The following ARMH3 variants were observed in gnomAD, a reference collection of about 807,000 sequenced individuals.
The protein encoded by ARMH3 is armadillo-like helical domain-containing protein 3.
Under a neutral mutation model 99.1 loss-of-function variants are expected in ARMH3, and 60 were observed. That is an observed-to-expected ratio of 0.61 (90% CI 0.49 to 0.75). ARMH3 has a LOEUF of 0.75. Ranked by LOEUF, ARMH3 falls within the 30% of genes least tolerant of loss-of-function variation. The probability of loss-of-function intolerance (pLI) is 0.00; values close to 1 mark genes in which losing one functional copy is unlikely to be tolerated. For missense variants in ARMH3, 679 were observed against 843.1 expected, an observed-to-expected ratio of 0.81 and a Z score of 2.41; for synonymous variants, 285 against 292.8, an observed-to-expected ratio of 0.97 and a Z score of 0.27.
At chr10:101,918,675 C>T (rs1032745993) in intron 23 of ARMH3, among the ~76,000 whole-genome samples, 1 of 152,162 alleles carries the variant, frequency 6.6e-6, no homozygotes, top group Non-Finnish European at 1.5e-5. Context: ...GAATAAAATA[C>T]TATGCATTTT....
intron 20 of ARMH3, among the ~76,000 whole-genome samples, chr10:101,962,781 G>A (rs371195372): frequency 6.6e-6 from 1 of 152,114 alleles, no homozygotes; most frequent in Non-Finnish European, 1.5e-5. Flanking sequence ...TGAGGTCTAT[G>A]AAACTGTATT....
intron 25 of ARMH3, among the ~76,000 whole-genome samples, chr10:101,849,458 A>G (rs2066536363): frequency 1.3e-5 from 2 of 152,186 alleles, no homozygotes; most frequent in Admixed American, 6.5e-5. Context: ...GGGAAGAATT[A>G]ATTACTTTTA....
chr10:102,014,006 C>T lies in ARMH3; in HGVS notation c.688G>A (p.Val230Met). 6.2e-7 allele frequency: 1 copy of T among 1,611,292 alleles called. No individual in the cohort carries two copies. The highest frequency in any genetic ancestry group is 8.5e-7 in the Non-Finnish European group (1 of 1,178,452). ...RKYESVNPYIVKLSIVDDEAT... is the reference protein window; with the variant it reads ...RKYESVNPYIMKLSIVDDEAT... Reference sequence around the variant, plus strand: ...TCATCATCCACGATAGACAGCTTCACAATATAAGGATTCACAGACTGTTAA... The same window carrying T: ...TCATCATCCACGATAGACAGCTTCATAATATAAGGATTCACAGACTGTTAA... Residue 230 changes from valine (V) to methionine (M), a missense_variant, in exon 9 of 26, where the codon GTG becomes ATG. By Grantham distance (21) the Val-to-Met change is conservative. Coordinates refer to ENST00000370033, the MANE Select transcript of ARMH3 (RefSeq NM_024541.3).
At chr10:101,935,679 T>G (rs1843935497) in intron 23 of ARMH3, among the ~76,000 whole-genome samples, 1 of 152,208 alleles carries the variant, frequency 6.6e-6, no homozygotes, top group African/African-American at 2.4e-5. Flanking sequence ...AGACTTCACA[T>G]GCAACCCAAG....
intron 23 of ARMH3, among the ~76,000 whole-genome samples, chr10:101,911,366 C>G (rs1261066579): frequency 6.6e-6 from 1 of 152,112 alleles, no homozygotes; most frequent in Non-Finnish European, 1.5e-5. Context: ...AGGTCTGGAG[C>G]AGGAAGTGTA....
chr10:101,865,929 G>A (rs2066991224), intron 24 of ARMH3, among the ~76,000 whole-genome samples: 1 of 151,478 alleles, frequency 6.6e-6, no homozygotes, highest in Non-Finnish European at 1.5e-5. Context: ...GCAGTAAAAA[G>A]CGATCTCTTG....
At position 102,023,757 on chromosome 10, in the gene ARMH3, T is replaced by C; in HGVS notation, c.508-8A>G. 1 of 1,612,930 alleles carries C rather than the reference T, an allele frequency of 6.2e-7. No individual in the cohort carries two copies. The highest frequency in any genetic ancestry group is 8.5e-7 in the Non-Finnish European group (1 of 1,178,918). Reference sequence around the variant, plus strand: ...GCTGATGTTATCTGTCACCTGAATGTAATAAAAGGCTTTTTAAAGTCTGTT... The same window carrying C: ...GCTGATGTTATCTGTCACCTGAATGCAATAAAAGGCTTTTTAAAGTCTGTT... On this transcript the variant is annotated splice_polypyrimidine_tract_variant and splice_region_variant and intron_variant, in intron 6 of 25. Transcript: ENST00000370033.
intron 23 of ARMH3, among the ~76,000 whole-genome samples, chr10:101,893,523 T>A (rs2067743934): frequency 6.6e-6 from 1 of 152,124 alleles, no homozygotes. Flanking sequence ...GGGTGGAATG[T>A]TAGCAGCCAC....
At chr10:101,862,606 G>A (rs1348831019) in intron 24 of ARMH3, among the ~76,000 whole-genome samples, 3 of 151,734 alleles carry the variant, frequency 2.0e-5, no homozygotes, top group South Asian at 2.1e-4. Flanking sequence ...GGTACACTGT[G>A]ATAAGTTAAA....
intron 22 of ARMH3, among the ~76,000 whole-genome samples, chr10:101,941,118 G>A (rs1844222936): frequency 6.6e-6 from 1 of 152,224 alleles, no homozygotes; most frequent in African/African-American, 2.4e-5. Context: ...CAAGTTGTAA[G>A]TAATGGAGCT....
At chr10:101,899,601 C>T (rs2067924474) in intron 23 of ARMH3, among the ~76,000 whole-genome samples, 1 of 152,142 alleles carries the variant, frequency 6.6e-6, no homozygotes, top group Non-Finnish European at 1.5e-5. Flanking sequence ...TGCCTGTTAA[C>T]AGAAGTGCAT....
chr10:101,893,895 C>T (rs949217512), intron 23 of ARMH3, among the ~76,000 whole-genome samples: 4 of 152,136 alleles, frequency 2.6e-5, no homozygotes, highest in Non-Finnish European at 5.9e-5. Flanking sequence ...GACATACATG[C>T]TGATATTGTT....
chr10:101,875,382 A>T (rs770163593), intron 24 of ARMH3, among the ~76,000 whole-genome samples: 1 of 152,156 alleles, frequency 6.6e-6, no homozygotes, highest in Non-Finnish European at 1.5e-5. Context: ...GGGTACAAAC[A>T]CTCAATATAA....
intron 15 of ARMH3, among the ~76,000 whole-genome samples, chr10:102,001,467 T>A (rs2066359180): frequency 6.6e-6 from 1 of 152,066 alleles, no homozygotes; most frequent in Non-Finnish European, 1.5e-5. Context: ...CAACACTCAA[T>A]CCTCTCCCAC....
Position 101,975,242 on chromosome 10 carries a change from G to A in ARMH3, c.1465C>T (p.Leu489=), listed in dbSNP as rs1292762450. Reference sequence around the variant, plus strand: ...CAGAGCTCCCGCCAGGTGTAATGCAGGCGTACCCGACACTTCTTCTGGTAG... The same window carrying A: ...CAGAGCTCCCGCCAGGTGTAATGCAAGCGTACCCGACACTTCTTCTGGTAG... ...LCYQKKCRVR[L]HYTWRELWSA... Residue 489 remains leucine, a synonymous_variant, in exon 20 of 26, where the codon CTG becomes TTG. Coordinates refer to ENST00000370033, the MANE Select transcript of ARMH3 (RefSeq NM_024541.3). 1.2e-6 allele frequency: 2 copies of A among 1,612,434 alleles called. No individual in the cohort carries two copies. Among genetic ancestry groups the A allele is most frequent in the Non-Finnish European group, 1.7e-6 (2 of 1,178,980 alleles).
chr10:101,851,453 G>A (rs2066598459), intron 24 of ARMH3, among the ~76,000 whole-genome samples: 1 of 152,166 alleles, frequency 6.6e-6, no homozygotes, highest in African/African-American at 2.4e-5. Context: ...TCCCTGCTCA[G>A]TAGGGAGCTT....
chr10:102,052,222 C>A (rs1000848729), intron 1 of ARMH3, among the ~76,000 whole-genome samples: 1 of 151,882 alleles, frequency 6.6e-6, no homozygotes, highest in African/African-American at 2.4e-5. Context: ...CATCTTCTTC[C>A]CCCACTCCCC....
chr10:101,918,309 C>T (rs984103201), intron 23 of ARMH3, among the ~76,000 whole-genome samples: 1 of 152,202 alleles, frequency 6.6e-6, no homozygotes, highest in African/African-American at 2.4e-5. Context: ...TGCCCTCGGC[C>T]TCCCAAAGTG....
chr10:101,888,359 T>C (rs2067603075), intron 24 of ARMH3, among the ~76,000 whole-genome samples: 1 of 152,344 alleles, frequency 6.6e-6, no homozygotes, highest in Admixed American at 6.5e-5. Context: ...TTCTCACAGC[T>C]GGGCTCACAA....
Sources: allele counts gnomAD v4.1 joint callset (sites outside exome capture counted in the v4.1 genomes callset), GRCh38; gene constraint gnomAD v4.1.1; transcripts MANE v1.5; gene names NCBI Gene and HGNC (gene_info 2026-07-23, HGNC 2026-07-21).